The following ZFPM2 variants were observed in gnomAD, a reference collection of about 807,000 sequenced individuals.
The protein encoded by ZFPM2 is zinc finger protein, FOG family member 2.
ZFPM2 carries 20 observed loss-of-function variants against 98.6 expected under a neutral mutation model. The observed-to-expected ratio is 0.20, with a 90% CI of 0.14 to 0.29. The LOEUF (loss-of-function observed/expected upper bound fraction) is 0.29. Ranked by LOEUF, ZFPM2 falls within the 10% of genes least tolerant of loss-of-function variation. The probability of loss-of-function intolerance (pLI) is 1.00; values close to 1 mark genes in which losing one functional copy is unlikely to be tolerated. For synonymous variants in ZFPM2, 518 were observed against 502.7 expected (o/e 1.03, Z -0.41); for missense variants, 1,310 against 1,388.6 (o/e 0.94, Z 0.90).
intron 1 of ZFPM2, among the ~76,000 whole-genome samples, chr8:105,378,286 A>G (rs1411941091): frequency 1.3e-5 from 2 of 152,164 alleles, no homozygotes; most frequent in African/African-American, 4.8e-5. Context: ...AACACAGTAG[A>G]TATCCCTCAG....
chr8:105,482,016 C>A (rs1461024713), intron 3 of ZFPM2, among the ~76,000 whole-genome samples: 13 of 152,100 alleles, frequency 8.5e-5, no homozygotes, highest in African/African-American at 2.9e-4. Context: ...AATCTGTATC[C>A]CTTATTATTA....
intron 1 of ZFPM2, among the ~76,000 whole-genome samples, chr8:105,383,242 A>G (rs1028094505): frequency 5.9e-5 from 9 of 152,146 alleles, no homozygotes; most frequent in Non-Finnish European, 1.2e-4. Flanking sequence ...CGTTTTCCCC[A>G]GGATATTTCA....
intron 1 of ZFPM2, among the ~76,000 whole-genome samples, chr8:105,338,886 A>C (rs2129652556): frequency 6.6e-6 from 1 of 151,954 alleles, no homozygotes; most frequent in Admixed American, 6.6e-5. Context: ...GTTTATTCAC[A>C]AATTAAAGAA....
intron 6 of ZFPM2, among the ~76,000 whole-genome samples, chr8:105,789,917 C>G (rs948818503): frequency 3.3e-5 from 5 of 150,512 alleles, no homozygotes. Context: ...CCTTCGCCCA[C>G]TTTTTGATGG....
At chr8:105,321,840 A>G (rs1812031347) in intron 1 of ZFPM2, among the ~76,000 whole-genome samples, 1 of 152,182 alleles carries the variant, frequency 6.6e-6, no homozygotes, top group African/African-American at 2.4e-5. Flanking sequence ...ATTCCAGCCC[A>G]GCAATCTGCA....
chr8:105,433,326 A>G (rs1257829030), intron 2 of ZFPM2, among the ~76,000 whole-genome samples: 1 of 152,240 alleles, frequency 6.6e-6, no homozygotes. Flanking sequence ...TAGCAGGGAT[A>G]AATATTCAGT....
intron 3 of ZFPM2, among the ~76,000 whole-genome samples, chr8:105,452,048 A>G (rs2130256490): frequency 6.6e-6 from 1 of 152,304 alleles, no homozygotes; most frequent in East Asian, 1.9e-4. Context: ...AAAATGTTAA[A>G]GAAACTTCAC....
At chr8:105,565,891 G>A (rs931296225) in intron 4 of ZFPM2, among the ~76,000 whole-genome samples, 1 of 152,136 alleles carries the variant, frequency 6.6e-6, no homozygotes, top group Non-Finnish European at 1.5e-5. Flanking sequence ...GGATGTGTAC[G>A]TATATAGCCA....
At chr8:105,605,604 A>T (rs1282067103) in intron 4 of ZFPM2, among the ~76,000 whole-genome samples, 2 of 152,038 alleles carry the variant, frequency 1.3e-5, no homozygotes, top group African/African-American at 2.4e-5. Flanking sequence ...ATATGGAAAA[A>T]GTATATTTTA....
intron 1 of ZFPM2, among the ~76,000 whole-genome samples, chr8:105,397,381 TA>T (rs933768860): frequency 1.1e-4 from 16 of 152,002 alleles, no homozygotes; most frequent in Non-Finnish European, 2.2e-4. Flanking sequence ...CCATAAGGAT[TA>T]AAAAAAATAA....
At chr8:105,725,297 T>C (rs766862370) in intron 5 of ZFPM2, among the ~76,000 whole-genome samples, 11 of 151,866 alleles carry the variant, frequency 7.2e-5, no homozygotes, top group Non-Finnish European at 1.6e-4. Flanking sequence ...TCTTATCTTT[T>C]ATTAGAGATA....
intron 1 of ZFPM2, among the ~76,000 whole-genome samples, chr8:105,319,998 T>C (rs1032049383): frequency 1.3e-5 from 2 of 152,190 alleles, no homozygotes; most frequent in African/African-American, 2.4e-5. Flanking sequence ...TATTAGTTTA[T>C]TTTTTGCTAG....
At chr8:105,624,831 T>G (rs1488165950) in intron 4 of ZFPM2, among the ~76,000 whole-genome samples, 1 of 152,184 alleles carries the variant, frequency 6.6e-6, no homozygotes, top group African/African-American at 2.4e-5. Flanking sequence ...ATTATTTAAA[T>G]TTTTGGTTCA....
intron 5 of ZFPM2, among the ~76,000 whole-genome samples, chr8:105,732,905 T>G (rs569945693): frequency 6.6e-6 from 1 of 151,960 alleles, no homozygotes; most frequent in South Asian, 2.1e-4. Context: ...AGCTTCTTGT[T>G]GTTAAAGTTT....
intron 1 of ZFPM2, among the ~76,000 whole-genome samples, chr8:105,326,851 T>G (rs1344343522): frequency 6.6e-6 from 1 of 150,418 alleles, no homozygotes; most frequent in Non-Finnish European, 1.5e-5. Context: ...CATAAATATA[T>G]ATATATATAT....
In ZFPM2 at chr8:105,532,775, C is replaced by T. The variant is rs1421923960; in HGVS notation, c.302-28588C>T. Reference sequence around the variant, plus strand: ...TAATTGGGGGTACAAGGTACCTGCTCTGCTGGGCATAATTTTTACTCGTTA... The same window carrying T: ...TAATTGGGGGTACAAGGTACCTGCTTTGCTGGGCATAATTTTTACTCGTTA... On this transcript the variant is annotated intron_variant, in intron 3 of 7. Transcript: ENST00000407775. 4.6e-5 allele frequency among the ~76,000 whole-genome samples: 7 copies of T among 152,188 alleles called. No individual in the cohort carries two copies. In the East Asian group the frequency reaches 1.2e-3, roughly 25 times the overall value.
intron 5 of ZFPM2, among the ~76,000 whole-genome samples, chr8:105,714,239 A>G (rs1563533214): frequency 6.6e-6 from 1 of 151,948 alleles, no homozygotes; most frequent in Non-Finnish European, 1.5e-5. Context: ...TGTAAATAAG[A>G]TTGCATTCTT....
chr8:105,732,069 A>G (rs1811953290), intron 5 of ZFPM2, among the ~76,000 whole-genome samples: 1 of 151,676 alleles, frequency 6.6e-6, no homozygotes, highest in East Asian at 1.9e-4. Context: ...TCCTTTCCCA[A>G]AGTTCTGAAG....
intron 5 of ZFPM2, among the ~76,000 whole-genome samples, chr8:105,697,409 A>G (rs1811045431): frequency 6.6e-6 from 1 of 152,194 alleles, no homozygotes; most frequent in South Asian, 2.1e-4. Flanking sequence ...ATTTACAGAT[A>G]GGTAATCCAT....
Sources: gnomAD v4.1 joint callset for allele counts (sites outside exome capture counted in the v4.1 genomes callset) on GRCh38, gnomAD v4.1.1 for gene constraint, MANE v1.5 for transcripts, NCBI Gene and HGNC (gene_info 2026-07-23, HGNC 2026-07-21) for gene names.